The following CLDN14 variants were observed in gnomAD, a reference collection of about 807,000 sequenced individuals.
CLDN14 encodes the protein claudin-14.
In CLDN14, 2 loss-of-function variants were observed where a neutral mutation model predicts 2.1. The ratio of observed to expected loss-of-function variants is 0.96; its 90% CI spans 0.39 to 3.01. CLDN14 has a LOEUF of 3.01. CLDN14 is among the 30% of genes most tolerant of loss of function. The pLI is 0.09. For missense variants in CLDN14, 298 were observed against 328.0 expected (o/e 0.91, Z 0.71); for synonymous variants, 136 against 154.4 (o/e 0.88, Z 0.88).
intron 2 of CLDN14, chr21:36,486,282 C>T (rs764728818): frequency 1.3e-6 from 1 of 772,710 alleles, no homozygotes; most frequent in Non-Finnish European, 2.3e-6. Flanking sequence ...GTCAGGAAGT[C>T]CGGTATGGCC....
intron 1 of CLDN14, among the ~76,000 whole-genome samples, chr21:36,469,950 T>C (rs978664936): frequency 6.6e-6 from 1 of 152,188 alleles, no homozygotes; most frequent in Non-Finnish European, 1.5e-5. Context: ...GTTTTTGTTG[T>C]TGTTGTTTTT....
At chr21:36,505,542 C>T (rs924112494) in intron 2 of CLDN14, among the ~76,000 whole-genome samples, 2 of 152,146 alleles carry the variant, frequency 1.3e-5, no homozygotes, top group African/African-American at 4.8e-5. Context: ...CAGAACACCT[C>T]GGGGAGTCCC....
chr21:36,466,588 C>T (rs1341821394), intron 1 of CLDN14: 1 of 152,180 alleles, frequency 6.6e-6, no homozygotes. Flanking sequence ...CTGGGTCCCT[C>T]CCCACGACAC....
intron 1 of CLDN14, among the ~76,000 whole-genome samples, chr21:36,464,393 TTTTTCTGCTGCTGC>T (rs1601591165): frequency 6.6e-6 from 1 of 152,160 alleles, no homozygotes; most frequent in Non-Finnish European, 1.5e-5. Flanking sequence ...TCTGCTGCTG[TTTTTCTGCTGCTGC>T]TTTGGGTGAC....
intron 2 of CLDN14, among the ~76,000 whole-genome samples, chr21:36,492,150 A>AAAAATT (rs552473909): frequency 0.012 from 1,752 of 147,018 alleles, 38 homozygotes; most frequent in East Asian, 0.035. Flanking sequence ...AAAAAAATGC[A>AAAAATT]AGGGCCGGGC....
At chr21:36,519,500 C>T (rs1174562398) in intron 1 of CLDN14, among the ~76,000 whole-genome samples, 1 of 152,126 alleles carries the variant, frequency 6.6e-6, no homozygotes, top group African/African-American at 2.4e-5. Context: ...CACCTGAGGT[C>T]AGGAGTTTGA....
chr21:36,472,816 G>A (rs1253707812), intron 1 of CLDN14, among the ~76,000 whole-genome samples: 1 of 152,072 alleles, frequency 6.6e-6, no homozygotes, highest in African/African-American at 2.4e-5. Flanking sequence ...CTTCTTTTTA[G>A]AGCACGAATC....
chr21:36,489,704 A>G (rs114309609), intron 2 of CLDN14, among the ~76,000 whole-genome samples: 2,634 of 152,310 alleles, frequency 0.017, 82 homozygotes, highest in African/African-American at 0.06. Context: ...CTCAGACCTT[A>G]TAATTTCCTA....
chr21:36,490,985 CACA>C (rs1568856348), intron 2 of CLDN14, among the ~76,000 whole-genome samples: 33 of 151,408 alleles, frequency 2.2e-4, no homozygotes, highest in Admixed American at 4.6e-4. Context: ...CACACACACA[CACA>C]CCCCTGGACA....
At chr21:36,557,770 T>C (rs576080978) in intron 1 of CLDN14, among the ~76,000 whole-genome samples, 13 of 152,384 alleles carry the variant, frequency 8.5e-5, no homozygotes, top group African/African-American at 3.1e-4. Context: ...TCCTTGGCTA[T>C]GCAGAAGATT....
At chr21:36,564,611 G>A (rs428948) in intron 1 of CLDN14, among the ~76,000 whole-genome samples, 113,809 of 151,728 alleles carry the variant, frequency 0.75, 44,124 homozygotes, top group Non-Finnish European at 0.87. Flanking sequence ...CAGGTGATGT[G>A]TATGGCTGTG....
intron 1 of CLDN14, among the ~76,000 whole-genome samples, chr21:36,562,255 G>T (rs180799274): frequency 2.1e-4 from 32 of 152,240 alleles, no homozygotes; most frequent in African/African-American, 7.5e-4. Flanking sequence ...ATCTGGCAGG[G>T]TATGGCTTTC....
chr21:36,560,055 C>T (rs2087623125), intron 1 of CLDN14, among the ~76,000 whole-genome samples: 2 of 152,238 alleles, frequency 1.3e-5, no homozygotes, highest in South Asian at 4.2e-4. Flanking sequence ...TAGAAATGTA[C>T]ATAGTGTAGC....
Position 36,544,678 on chromosome 21 carries a change from C to T in CLDN14, c.-220+31733G>A, listed in dbSNP as rs1601632120. ...GGACTTTGAAATGAACTCTTTACAC[C>T]TCCTTCCTGCTGACCCGACTGCAAA... is the stretch of plus-strand genomic sequence containing the variant. On this transcript the variant is annotated intron_variant, in intron 1 of 2. Coordinates refer to the CLDN14 transcript ENST00000342108. This position sits in a 1 kb window ranked among gnomAD's most constrained non-coding sequence, Gnocchi z 4.1. 6.6e-6 allele frequency among the ~76,000 whole-genome samples: 1 copy of T among 152,150 alleles called. No individual in the cohort carries two copies. Among genetic ancestry groups the T allele is most frequent in the Admixed American group, 6.5e-5 (1 of 15,278 alleles).
chr21:36,461,367 C>A lies in CLDN14; in HGVS notation c.329G>T (p.Gly110Val). 6.2e-7 allele frequency: 1 copy of A among 1,612,982 alleles called. No individual in the cohort carries two copies. The highest frequency in any genetic ancestry group is 2.2e-5 in the East Asian group (1 of 44,870). The change falls in exon 2 of 2, where the codon GGC becomes GTC. Residue 110 changes from glycine (G) to valine (V), a missense_variant. Physicochemically the swap from Gly to Val is moderately radical, Grantham distance 109. Coordinates refer to ENST00000399135, the MANE Select transcript of CLDN14 (RefSeq NM_001146079.2). ...IGMKCTRCAK[G>V]TPAKTTFAIL... ...GGCAAAGGTGGTCTTGGCGGGTGTG[C>A]CCTTGGCGCAGCGCGTGCACTTCAT...
At chr21:36,511,270 C>T (rs1238787987) in intron 1 of CLDN14, among the ~76,000 whole-genome samples, 3 of 152,098 alleles carry the variant, frequency 2.0e-5, no homozygotes, top group South Asian at 2.1e-4. Flanking sequence ...TTTCACGGTG[C>T]GTTGAAGCAG....
Position 36,515,415 on chromosome 21 carries a change from G to A in CLDN14, c.-219-4915C>T, listed in dbSNP as rs139949783. 3.3e-4 allele frequency among the ~76,000 whole-genome samples: 50 copies of A among 152,262 alleles called. 4 individuals are homozygous for A. In the East Asian group the frequency reaches 9.5e-3, roughly 29 times the overall value. ...TGGCCGGGCCTGGTGGCTCACACCTGTAATCCCAGCACTTTGGGAGCCTGA... is the reference window on the plus strand; with the variant it reads ...TGGCCGGGCCTGGTGGCTCACACCTATAATCCCAGCACTTTGGGAGCCTGA... On this transcript the variant is annotated intron_variant, in intron 1 of 2. Transcript: ENST00000342108.
intron 2 of CLDN14, among the ~76,000 whole-genome samples, chr21:36,495,015 C>A (rs1386112813): frequency 1.3e-5 from 2 of 152,142 alleles, no homozygotes; most frequent in African/African-American, 4.8e-5. Context: ...GGTGGAGGAA[C>A]AAATCCCCCC....
intron 1 of CLDN14, among the ~76,000 whole-genome samples, chr21:36,573,916 G>A (rs1053361784): frequency 1.3e-4 from 20 of 152,062 alleles, no homozygotes; most frequent in African/African-American, 4.3e-4. Context: ...AATGGAAGAG[G>A]CCTAAATAAA....
Sources: allele counts gnomAD v4.1 joint callset (sites outside exome capture counted in the v4.1 genomes callset), GRCh38; gene constraint gnomAD v4.1.1; non-coding constraint Gnocchi (gnomAD v3.1); transcripts MANE v1.5; gene names NCBI Gene and HGNC (gene_info 2026-07-23, HGNC 2026-07-21).